Variants in ELF2 observed in about 807,000 individuals in gnomAD.
ELF2 encodes E74 like ETS transcription factor 2.
Under a neutral mutation model 54.8 loss-of-function variants are expected in ELF2, and 11 were observed. That is an observed-to-expected ratio of 0.20 (90% CI 0.13 to 0.33). The LOEUF (loss-of-function observed/expected upper bound fraction) is 0.33, where lower values mean the gene tolerates loss of function less well. ELF2 is among the 10% of genes least tolerant of loss of function. The probability of loss-of-function intolerance (pLI) is 1.00; values close to 1 mark genes in which losing one functional copy is unlikely to be tolerated. For missense variants in ELF2, 513 were observed against 703.0 expected, an observed-to-expected ratio of 0.73 and a Z score of 3.06; for synonymous variants, 203 against 245.1, an observed-to-expected ratio of 0.83 and a Z score of 1.61.
chr4:139,078,819 C>T (rs1468981352), intron 4 of ELF2, among the ~76,000 whole-genome samples: 1 of 151,564 alleles, frequency 6.6e-6, no homozygotes, highest in East Asian at 1.9e-4. Flanking sequence ...CTGAAGACCT[C>T]GAGATTTTAT....
chr4:139,142,400 A>T (rs1738791019), intron 1 of ELF2, among the ~76,000 whole-genome samples: 1 of 139,162 alleles, frequency 7.2e-6, no homozygotes, highest in Non-Finnish European at 1.6e-5. Flanking sequence ...GAGCAAGAGG[A>T]AGAAAGAATA....
intron 4 of ELF2, among the ~76,000 whole-genome samples, chr4:139,083,229 A>G (rs1178133848): frequency 1.3e-5 from 2 of 152,066 alleles, no homozygotes; most frequent in African/African-American, 2.4e-5. Flanking sequence ...AGACTTCCCT[A>G]GGGCCAAGAC....
Position 139,057,768 on chromosome 4 carries a change from G to A in ELF2, c.*1215C>T, listed in dbSNP as rs1330855423. The stretch of plus-strand genomic sequence containing the variant: ...ATTTCTTCATGCAGTAGTTGGGAAG[G>A]AGAAGAGAGATGTTTTATCACTTCC... On this transcript the variant is annotated 3_prime_UTR_variant, in exon 10 of 10. Coordinates refer to ENST00000686138, the MANE Select transcript of ELF2 (RefSeq NM_001331036.3). 6.6e-6 allele frequency: 1 copy of A among 152,394 alleles called. No homozygotes were observed. The highest frequency in any genetic ancestry group is 1.5e-5 in the Non-Finnish European group (1 of 68,014). The allele number at this position is 152,394 out of a possible 1,614,324, so 9.4% of individuals were successfully genotyped here.
At chr4:139,093,281 A>G (rs1409897618) in intron 4 of ELF2, among the ~76,000 whole-genome samples, 1 of 152,212 alleles carries the variant, frequency 6.6e-6, no homozygotes, top group Non-Finnish European at 1.5e-5. Flanking sequence ...TACTGAAGAA[A>G]TTAAAACATA....
Position 139,139,490 on chromosome 4 carries a change from C to T in ELF2, c.-244G>A, listed in dbSNP as rs1738496902. On this transcript the variant is annotated 5_prime_UTR_variant, in exon 2 of 10. Transcript: ENST00000686138. Reference sequence around the variant, plus strand: ...AGAGCTAAAATCTGAACCAGTAGTTCTTTGGAACTGCCAGCGGGAGGGGAA... The same window carrying T: ...AGAGCTAAAATCTGAACCAGTAGTTTTTTGGAACTGCCAGCGGGAGGGGAA... 1.6e-6 allele frequency: 2 copies of T among 1,228,512 alleles called. No individual in the cohort carries two copies. The highest frequency in any genetic ancestry group is 2.0e-6 in the Non-Finnish European group (2 of 986,284). 76.1% of individuals were successfully genotyped at this position (1,228,512 alleles called of 1,614,324 possible). A position where few individuals can be genotyped will look rare whatever the true frequency, so the allele number is the denominator to read the frequency against.
chr4:139,108,837 C>T lies in ELF2; in HGVS notation c.238+16327G>A, dbSNP rs1358632727. Among the ~76,000 whole-genome samples the T allele has an allele frequency of 2.6e-5, 4 of 152,052 alleles. No homozygotes were observed. In the East Asian group the frequency reaches 5.8e-4, roughly 22 times the overall value. On this transcript the variant is annotated intron_variant, in intron 4 of 9. Transcript: ENST00000686138. ...AGGAAGGTCACAGAAGACTCTCAAACGAGGGGAACAGAACAACCTTCAAAC... is the reference window on the plus strand; with the variant it reads ...AGGAAGGTCACAGAAGACTCTCAAATGAGGGGAACAGAACAACCTTCAAAC...
chr4:139,116,108 G>A (rs2148820002), intron 4 of ELF2, among the ~76,000 whole-genome samples: 1 of 152,326 alleles, frequency 6.6e-6, no homozygotes, highest in South Asian at 2.1e-4. Flanking sequence ...TTACAGGCTT[G>A]AGCCACTATA....
intron 6 of ELF2, 29 bp from the exon 7 acceptor site, chr4:139,067,799 G>A (rs368325932): frequency 4.6e-5 from 71 of 1,541,768 alleles, no homozygotes; most frequent in Non-Finnish European, 6.1e-5. Context: ...GAAACCATAC[G>A]TTGAAAACAA....
intron 1 of ELF2, among the ~76,000 whole-genome samples, chr4:139,174,357 A>T (rs2148923259): frequency 6.6e-6 from 1 of 152,348 alleles, no homozygotes; most frequent in African/African-American, 2.4e-5. Context: ...TTTCATTTAC[A>T]TAAAATGTCC....
intron 6 of ELF2, among the ~76,000 whole-genome samples, chr4:139,071,613 T>C (rs1326797860): frequency 2.0e-5 from 3 of 152,150 alleles, no homozygotes; most frequent in South Asian, 4.1e-4. Flanking sequence ...ATCTGCCTTC[T>C]GTGTGTCGAA....
chr4:139,060,000 A>C (rs1408025768), intron 9 of ELF2, among the ~76,000 whole-genome samples: 1 of 152,090 alleles, frequency 6.6e-6, no homozygotes, highest in Non-Finnish European at 1.5e-5. Flanking sequence ...GGTGTGTGCC[A>C]CCATGCTCAG....
chr4:139,114,808 C>A (rs1284194493), intron 4 of ELF2: 1 of 1,533,088 alleles, frequency 6.5e-7, no homozygotes. Context: ...GGGCCAGGGG[C>A]ACGAGGAGCC....
intron 3 of ELF2, among the ~76,000 whole-genome samples, chr4:139,127,690 A>T (rs879625452): frequency 2.0e-5 from 3 of 152,034 alleles, no homozygotes; most frequent in Non-Finnish European, 2.9e-5. Flanking sequence ...GCATTAAAAA[A>T]TTCAGGGTTC....
intron 1 of ELF2, among the ~76,000 whole-genome samples, chr4:139,169,064 G>C (rs925369908): frequency 3.8e-4 from 57 of 151,866 alleles, no homozygotes; most frequent in African/African-American, 1.3e-3. Context: ...AGCACTTTGG[G>C]AGGCCGAGAC....
At chr4:139,152,852 T>C (rs2148888002) in intron 1 of ELF2, among the ~76,000 whole-genome samples, 1 of 149,752 alleles carries the variant, frequency 6.7e-6, no homozygotes, top group African/African-American at 2.4e-5. Flanking sequence ...ATAGTTGTAA[T>C]ATTAATATAA....
chr4:139,156,209 T>C (rs1740516711), intron 1 of ELF2, among the ~76,000 whole-genome samples: 1 of 152,096 alleles, frequency 6.6e-6, no homozygotes, highest in African/African-American at 2.4e-5. Context: ...GGAGTCTCGC[T>C]CTGTTGCTCA....
intron 4 of ELF2, chr4:139,115,440 C>T (rs953432373): frequency 3.1e-6 from 3 of 982,704 alleles, no homozygotes; most frequent in South Asian, 4.7e-5. Flanking sequence ...GGGACGCCCC[C>T]GGCTGGCTGG....
At position 139,087,714 on chromosome 4, in the gene ELF2, C is replaced by T. The variant is rs560063030; in HGVS notation, c.239-14147G>A. 5.9e-5 allele frequency among the ~76,000 whole-genome samples: 9 copies of T among 152,260 alleles called. No individual in the cohort carries two copies. In the South Asian group the frequency reaches 1.9e-3, roughly 32 times the overall value. On this transcript the variant is annotated intron_variant, in intron 4 of 9. Transcript: ENST00000686138. The stretch of plus-strand genomic sequence containing the variant: ...TATCCTGACCTCGTGATCCGCCCTC[C>T]CCGGCCTCCCAAAATGCTGGAATTA...
At chr4:139,074,280 G>C (rs1399409774) in intron 4 of ELF2, among the ~76,000 whole-genome samples, 1 of 152,164 alleles carries the variant, frequency 6.6e-6, no homozygotes, top group Non-Finnish European at 1.5e-5. Context: ...GCTGGTTGTA[G>C]ATTAAAAACC....
Sources: allele counts gnomAD v4.1 joint callset (sites outside exome capture counted in the v4.1 genomes callset), GRCh38; gene constraint gnomAD v4.1.1; transcripts MANE v1.5; gene names NCBI Gene and HGNC (gene_info 2026-07-23, HGNC 2026-07-21).